The following FAM107B variants were observed in gnomAD, a reference collection of about 807,000 sequenced individuals.
FAM107B encodes the protein family with sequence similarity 107 member B.
FAM107B carries 21 observed loss-of-function variants against 31.5 expected under a neutral mutation model. That is an observed-to-expected ratio of 0.67 (90% CI 0.47 to 0.96). The LOEUF (loss-of-function observed/expected upper bound fraction) is 0.96. FAM107B is among the 40% of genes least tolerant of loss of function. The pLI is 0.00. For missense variants in FAM107B, 452 were observed against 377.1 expected (o/e 1.20, Z -1.64); for synonymous variants, 157 against 141.5 (o/e 1.11, Z -0.78).
chr10:14,677,429 G>A (rs995806077), intron 1 of FAM107B, among the ~76,000 whole-genome samples: 5 of 152,164 alleles, frequency 3.3e-5, no homozygotes, highest in Non-Finnish European at 7.4e-5. Flanking sequence ...AGACCATCCT[G>A]GCTAACACAC....
intron 1 of FAM107B, among the ~76,000 whole-genome samples, chr10:14,708,686 T>C (rs965411493): frequency 5.9e-5 from 9 of 152,170 alleles, no homozygotes; most frequent in Non-Finnish European, 8.8e-5. Flanking sequence ...ACCATTAAGA[T>C]AATGAAAAGA....
At chr10:14,588,866 T>A (rs1245201313) in intron 2 of FAM107B, among the ~76,000 whole-genome samples, 1 of 152,058 alleles carries the variant, frequency 6.6e-6, no homozygotes, top group East Asian at 1.9e-4. Flanking sequence ...GATTCCTTCA[T>A]GATGTTTCCA....
rs542860027 is a variant in FAM107B at position 14,644,892 on chromosome 10, C to T, written c.469+22742G>A. Among the ~76,000 whole-genome samples the T allele has an allele frequency of 3.9e-4, 59 of 152,252 alleles. 1 individual carries two copies. The highest frequency in any genetic ancestry group is 2.4e-4 in the Non-Finnish European group (16 of 68,026). On this transcript the variant is annotated intron_variant, in intron 2 of 4. Transcript: ENST00000181796. The stretch of plus-strand genomic sequence containing the variant: ...GCACAAAGCAGGTAATAAATTGCCT[C>T]CTAATTATAAGAAGGGATATACATA...
At chr10:14,711,379 G>A (rs937708630) in intron 1 of FAM107B, among the ~76,000 whole-genome samples, 1 of 152,184 alleles carries the variant, frequency 6.6e-6, no homozygotes, top group African/African-American at 2.4e-5. Context: ...GCCTGGACAG[G>A]TGTATCATTT....
chr10:14,682,437 G>C (rs181082735), intron 1 of FAM107B, among the ~76,000 whole-genome samples: 163 of 152,342 alleles, frequency 1.1e-3, no homozygotes, highest in African/African-American at 3.6e-3. Flanking sequence ...GCTGAGGCAA[G>C]AGGATCACTT....
At chr10:14,572,369 T>C in intron 2 of FAM107B, 2 of 985,350 alleles carry the variant, frequency 2.0e-6, no homozygotes, top group Non-Finnish European at 2.4e-6. Context: ...TCACACAACC[T>C]GACTGCAGGA....
At chr10:14,731,637 C>T (rs941665461) in intron 1 of FAM107B, among the ~76,000 whole-genome samples, 1 of 152,206 alleles carries the variant, frequency 6.6e-6, no homozygotes, top group South Asian at 2.1e-4. Context: ...TCATGTCCTG[C>T]ATAATGATGT....
At chr10:14,773,276 G>T (rs1218267863) in intron 1 of FAM107B, among the ~76,000 whole-genome samples, 1 of 152,190 alleles carries the variant, frequency 6.6e-6, no homozygotes, top group Admixed American at 6.5e-5. Flanking sequence ...ATCTTTGCTG[G>T]TTGGCTGTGT....
intron 1 of FAM107B, among the ~76,000 whole-genome samples, chr10:14,722,667 C>CT (rs1424840789): frequency 6.6e-6 from 1 of 152,012 alleles, no homozygotes. Flanking sequence ...TTAAATTGAT[C>CT]TTTTTATTGT....
At chr10:14,569,719 C>G (rs11259194) in intron 2 of FAM107B, among the ~76,000 whole-genome samples, 1 of 151,976 alleles carries the variant, frequency 6.6e-6, no homozygotes, top group African/African-American at 2.4e-5. Flanking sequence ...TTGAGGGAAA[C>G]CAAGGTTCCT....
intron 2 of FAM107B, among the ~76,000 whole-genome samples, chr10:14,627,856 A>G (rs1463668411): frequency 6.6e-6 from 1 of 151,964 alleles, no homozygotes; most frequent in Non-Finnish European, 1.5e-5. Context: ...AAAGAGGGAG[A>G]TCAGAATTAG....
chr10:14,606,446 C>A (rs1163579888), intron 2 of FAM107B, among the ~76,000 whole-genome samples: 1 of 152,164 alleles, frequency 6.6e-6, no homozygotes, highest in African/African-American at 2.4e-5. Flanking sequence ...ATATACATAT[C>A]TTTATACCCT....
chr10:14,708,825 ATC>A (rs1425542103), intron 1 of FAM107B, among the ~76,000 whole-genome samples: 1 of 152,212 alleles, frequency 6.6e-6, no homozygotes. Context: ...TGAGCAAAAG[ATC>A]TGAACATACA....
Position 14,668,157 on chromosome 10 carries a change from T to C in FAM107B, c.412-466A>G, listed in dbSNP as rs529969579. 4.5e-4 allele frequency among the ~76,000 whole-genome samples: 68 copies of C among 152,320 alleles called. No individual in the cohort carries two copies. The South Asian group carries it at 0.013, about 30-fold the overall frequency. On this transcript the variant is annotated intron_variant, in intron 1 of 4. Transcript: ENST00000181796. ...CCCTGGTTCAAGTGATTCTTCTGCC[T>C]CAGCCTCCTAAGTAGCTAGGATTAC...
intron 1 of FAM107B, among the ~76,000 whole-genome samples, chr10:14,743,007 C>T (rs1832652477): frequency 1.3e-5 from 2 of 152,018 alleles, no homozygotes; most frequent in Admixed American, 6.6e-5. Context: ...CTTCTGTATG[C>T]TTTCAGTCTT....
At chr10:14,611,619 C>T (rs992704894) in intron 2 of FAM107B, among the ~76,000 whole-genome samples, 4 of 150,826 alleles carry the variant, frequency 2.7e-5, no homozygotes, top group African/African-American at 9.7e-5. Context: ...GCCTGGTGAC[C>T]TCGGATAAGA....
intron 2 of FAM107B, among the ~76,000 whole-genome samples, chr10:14,601,135 C>T (rs1852383227): frequency 6.6e-6 from 1 of 152,224 alleles, no homozygotes; most frequent in South Asian, 2.1e-4. Context: ...GTGCCTGGCA[C>T]ATGACGGGCA....
At chr10:14,546,414 G>A (rs1848697724) in intron 2 of FAM107B, among the ~76,000 whole-genome samples, 1 of 152,166 alleles carries the variant, frequency 6.6e-6, no homozygotes, top group South Asian at 2.1e-4. Context: ...CATTACCTCT[G>A]GATCAGTAAC....
chr10:14,665,496 G>A (rs529434902), intron 2 of FAM107B, among the ~76,000 whole-genome samples: 2 of 152,218 alleles, frequency 1.3e-5, no homozygotes, highest in South Asian at 2.1e-4. Context: ...TATGCCAAGA[G>A]AGCAAATAAA....
Sources: gnomAD v4.1 joint callset for allele counts (sites outside exome capture counted in the v4.1 genomes callset) on GRCh38, gnomAD v4.1.1 for gene constraint, MANE v1.5 for transcripts, NCBI Gene and HGNC (gene_info 2026-07-23, HGNC 2026-07-21) for gene names.